The following MDGA2 variants were observed in gnomAD, a reference collection of about 807,000 sequenced individuals.
MDGA2 encodes MAM domain containing glycosylphosphatidylinositol anchor 2.
MDGA2 carries 40 observed loss-of-function variants against 117.8 expected under a neutral mutation model. That is an observed-to-expected ratio of 0.34 (90% CI 0.26 to 0.44). MDGA2 has a LOEUF of 0.44. Among genes scored for constraint, MDGA2 ranks in the 20% least tolerant of loss-of-function variants. MDGA2 has a pLI of 1.00. For missense variants in MDGA2, 1,123 were observed against 1,250.6 expected (o/e 0.90, Z 1.54); for synonymous variants, 452 against 439.0 (o/e 1.03, Z -0.37).
chr14:46,961,005 C>A (rs1014960078), intron 8 of MDGA2, among the ~76,000 whole-genome samples: 13 of 151,628 alleles, frequency 8.6e-5, no homozygotes, highest in East Asian at 7.7e-4. Context: ...TGTAGGTTGG[C>A]AGGCTTTGTT....
At chr14:47,335,915 A>T (rs1890442534) in intron 1 of MDGA2, among the ~76,000 whole-genome samples, 1 of 151,112 alleles carries the variant, frequency 6.6e-6, no homozygotes, top group Non-Finnish European at 1.5e-5. Flanking sequence ...GGAGAGCTAC[A>T]TTTGTGGGTT....
chr14:47,248,978 C>CTCTCTT (rs1322207120), intron 2 of MDGA2, among the ~76,000 whole-genome samples: 8 of 134,906 alleles, frequency 5.9e-5, no homozygotes, highest in African/African-American at 1.6e-4. Context: ...TTCCTTCTCT[C>CTCTCTT]TCTTTCTTTC....
At chr14:47,379,076 A>G (rs1486057060) in intron 1 of MDGA2, among the ~76,000 whole-genome samples, 4 of 152,236 alleles carry the variant, frequency 2.6e-5, no homozygotes, top group Non-Finnish European at 5.9e-5. Context: ...ATTCTTAAAG[A>G]AAAGAATTTT....
intron 2 of MDGA2, among the ~76,000 whole-genome samples, chr14:47,295,347 T>C (rs1435430085): frequency 6.6e-6 from 1 of 152,196 alleles, no homozygotes; most frequent in African/African-American, 2.4e-5. Flanking sequence ...TTAAATTGTA[T>C]TGCTATCTGA....
chr14:47,536,436 T>C (rs1297632255), intron 1 of MDGA2, among the ~76,000 whole-genome samples: 4 of 152,222 alleles, frequency 2.6e-5, no homozygotes. Context: ...TTCTGAAGTA[T>C]GGAGGTAACT....
At position 46,945,476 on chromosome 14, in the gene MDGA2, T is replaced by A. The variant is rs551862726; in HGVS notation, c.2089+11898A>T. Among the ~76,000 whole-genome samples, 9 of 152,154 alleles carry A rather than the reference T, an allele frequency of 5.9e-5. 1 individual carries two copies. The highest frequency in any genetic ancestry group is 1.9e-4 in the African/African-American group (8 of 41,548). On this transcript the variant is annotated intron_variant, in intron 9 of 16. Transcript: ENST00000399232. ...ATTATCAATTTTCTACTCACAAAAA[T>A]CCCATAGAGAAGAAAATGGTAAATC... is the stretch of plus-strand genomic sequence containing the variant.
At chr14:47,451,864 G>A (rs1437219385) in intron 1 of MDGA2, among the ~76,000 whole-genome samples, 1 of 152,064 alleles carries the variant, frequency 6.6e-6, no homozygotes, top group African/African-American at 2.4e-5. Flanking sequence ...GCAAAGAAGA[G>A]AATTCCTTTG....
intron 9 of MDGA2, among the ~76,000 whole-genome samples, chr14:46,954,424 A>C (rs1885485494): frequency 6.6e-6 from 1 of 152,084 alleles, no homozygotes; most frequent in Non-Finnish European, 1.5e-5. Context: ...CAAACAAACA[A>C]ACAAAAACTA....
intron 9 of MDGA2, among the ~76,000 whole-genome samples, chr14:46,933,436 A>C (rs546652612): frequency 6.6e-6 from 1 of 152,094 alleles, no homozygotes; most frequent in African/African-American, 2.4e-5. Context: ...GGATCATAAT[A>C]CACAAATTAT....
intron 1 of MDGA2, among the ~76,000 whole-genome samples, chr14:47,319,290 ATCT>A (rs111961944): frequency 0.041 from 6,163 of 151,930 alleles, 168 homozygotes; most frequent in African/African-American, 0.076. Flanking sequence ...ATTCAAACAA[ATCT>A]TCTCTTCTGT....
At chr14:47,115,401 C>T (rs72678496) in intron 5 of MDGA2, among the ~76,000 whole-genome samples, 16,994 of 151,840 alleles carry the variant, frequency 0.11, 1,095 homozygotes, top group Admixed American at 0.11. Context: ...AGAAGGCAGA[C>T]GTGCCTCAAT....
intron 1 of MDGA2, among the ~76,000 whole-genome samples, chr14:47,462,743 T>A (rs1379121058): frequency 2.0e-5 from 3 of 151,922 alleles, no homozygotes; most frequent in Admixed American, 6.5e-5. Context: ...ATTTTTTTTT[T>A]AAATGGAGCA....
At chr14:47,665,259 C>T (rs1223876990) in intron 1 of MDGA2, among the ~76,000 whole-genome samples, 6 of 152,202 alleles carry the variant, frequency 3.9e-5, no homozygotes, top group African/African-American at 1.4e-4. Context: ...CTCTCTTCTT[C>T]TAGATACACA....
chr14:47,214,159 C>T (rs900028517), intron 3 of MDGA2, among the ~76,000 whole-genome samples: 4 of 151,920 alleles, frequency 2.6e-5, no homozygotes, highest in Admixed American at 1.3e-4. Context: ...GATTATAATT[C>T]GAGATGAGAT....
chr14:47,328,294 G>A (rs1890199880), intron 1 of MDGA2, among the ~76,000 whole-genome samples: 1 of 152,108 alleles, frequency 6.6e-6, no homozygotes, highest in South Asian at 2.1e-4. Context: ...TCTCCACACA[G>A]TATTTGTCAA....
chr14:47,109,266 A>G (rs906014460), intron 5 of MDGA2, among the ~76,000 whole-genome samples: 1 of 152,212 alleles, frequency 6.6e-6, no homozygotes, highest in Non-Finnish European at 1.5e-5. Context: ...TATTTCTTCT[A>G]CCTGGAATTC....
At chr14:46,941,934 A>G (rs931736527) in intron 9 of MDGA2, among the ~76,000 whole-genome samples, 4 of 152,172 alleles carry the variant, frequency 2.6e-5, no homozygotes, top group South Asian at 2.1e-4. Flanking sequence ...TTCGAGACTG[A>G]TATCTCTGTC....
chr14:47,658,885 T>A (rs1897794079), intron 1 of MDGA2, among the ~76,000 whole-genome samples: 1 of 152,180 alleles, frequency 6.6e-6, no homozygotes, highest in African/African-American at 2.4e-5. Context: ...CTCTACAGCA[T>A]CCCATGCACT....
intron 10 of MDGA2, 36 bp downstream of exon 10, chr14:46,919,976 C>T: frequency 6.5e-7 from 1 of 1,536,810 alleles, no homozygotes; most frequent in Non-Finnish European, 8.7e-7. Context: ...TCACAGAGGA[C>T]CACAAAGAAA....
Sources: gnomAD v4.1 joint callset for allele counts (sites outside exome capture counted in the v4.1 genomes callset) on GRCh38, gnomAD v4.1.1 for gene constraint, MANE v1.5 for transcripts, NCBI Gene and HGNC (gene_info 2026-07-23, HGNC 2026-07-21) for gene names.